Variants in FSHR observed in about 807,000 individuals in gnomAD.
FSHR encodes follicle-stimulating hormone receptor.
FSHR carries 46 observed loss-of-function variants against 52.1 expected under a neutral mutation model. That is an observed-to-expected ratio of 0.88 (90% confidence interval 0.70 to 1.13). The LOEUF is 1.13. FSHR is among the 50% of genes most tolerant of loss of function. FSHR has a pLI of 0.00. For synonymous variants in FSHR, 399 were observed against 309.6 expected (o/e 1.29, Z -3.03); for missense variants, 964 against 834.6 (o/e 1.16, Z -1.91).
chr2:49,115,429 C>A (rs1303213124), intron 1 of FSHR, among the ~76,000 whole-genome samples: 1 of 152,048 alleles, frequency 6.6e-6, no homozygotes, highest in African/African-American at 2.4e-5. Flanking sequence ...CCAGTGTGGT[C>A]ATGATTTTTA....
At chr2:49,067,673 C>A (rs563948410) in intron 2 of FSHR, among the ~76,000 whole-genome samples, 1 of 151,984 alleles carries the variant, frequency 6.6e-6, no homozygotes, top group Admixed American at 6.6e-5. Context: ...ATTAGACTAG[C>A]GCAATGTGAA....
chr2:49,143,002 G>T, intron 1 of FSHR, among the ~76,000 whole-genome samples: 1 of 152,120 alleles, frequency 6.6e-6, no homozygotes, highest in South Asian at 2.1e-4. Context: ...GAGAAGTCAA[G>T]GTTTCAGTTG....
At chr2:48,976,770 AGAG>A (rs1675009586) in intron 8 of FSHR, among the ~76,000 whole-genome samples, 1 of 152,162 alleles carries the variant, frequency 6.6e-6, no homozygotes, top group African/African-American at 2.4e-5. Context: ...TTATTTGCAT[AGAG>A]GTGTTTATAG....
At chr2:49,006,286 T>A (rs1432762426) in intron 4 of FSHR, among the ~76,000 whole-genome samples, 1 of 152,154 alleles carries the variant, frequency 6.6e-6, no homozygotes, top group Non-Finnish European at 1.5e-5. Context: ...CTGCTACTGG[T>A]CAACTTACAG....
At chr2:48,964,050 G>T in intron 9 of FSHR, 84 bp from the exon 10 acceptor site, 1 of 1,404,926 alleles carries the variant, frequency 7.1e-7, no homozygotes, top group Non-Finnish European at 9.8e-7. Context: ...GGGTAGAAAT[G>T]ATGAGTTTCT....
intron 8 of FSHR, 106 bp from the exon 9 acceptor site, chr2:48,968,989 A>T (rs1041763353): frequency 1.3e-5 from 13 of 1,015,428 alleles, no homozygotes; most frequent in Non-Finnish European, 1.8e-5. Context: ...TCTTACATGG[A>T]TGAGGAGAGA....
chr2:49,066,788 C>A, intron 2 of FSHR, among the ~76,000 whole-genome samples: 1 of 151,998 alleles, frequency 6.6e-6, no homozygotes, highest in East Asian at 1.9e-4. Context: ...ATTAAAGTAG[C>A]TTATTTGTGA....
intron 1 of FSHR, among the ~76,000 whole-genome samples, chr2:49,131,611 T>A (rs1352354196): frequency 6.6e-6 from 1 of 152,180 alleles, no homozygotes; most frequent in Non-Finnish European, 1.5e-5. Flanking sequence ...TTAAAAGAAC[T>A]GCATTATTTC....
chr2:49,041,418 T>C (rs1309748613), intron 2 of FSHR, among the ~76,000 whole-genome samples: 1 of 152,150 alleles, frequency 6.6e-6, no homozygotes, highest in Non-Finnish European at 1.5e-5. Context: ...CCTCCTGCCA[T>C]ACAGAAATCA....
chr2:49,151,697 A>C (rs1673069443), intron 1 of FSHR, among the ~76,000 whole-genome samples: 1 of 152,120 alleles, frequency 6.6e-6, no homozygotes, highest in African/African-American at 2.4e-5. Flanking sequence ...CCATCCACCT[A>C]CACCTCATGT....
At chr2:49,103,847 C>G (rs1334195334) in intron 1 of FSHR, among the ~76,000 whole-genome samples, 1 of 152,060 alleles carries the variant, frequency 6.6e-6, no homozygotes, top group East Asian at 1.9e-4. Context: ...AAAGACAGAT[C>G]ATTTTATTGC....
chr2:48,965,117 TGGCG>T (rs1674415646), intron 9 of FSHR, among the ~76,000 whole-genome samples: 1 of 152,058 alleles, frequency 6.6e-6, no homozygotes, highest in African/African-American at 2.4e-5. Flanking sequence ...CAGATATAAG[TGGCG>T]AAGTAAGTAT....
intron 1 of FSHR, among the ~76,000 whole-genome samples, chr2:49,148,010 G>A (rs139998658): frequency 6.6e-6 from 1 of 152,036 alleles, no homozygotes; most frequent in Middle Eastern, 3.4e-3. Flanking sequence ...GACAATCAAA[G>A]TACATCTGAG....
chr2:49,133,421 A>G (rs1180927846), intron 1 of FSHR, among the ~76,000 whole-genome samples: 1 of 152,170 alleles, frequency 6.6e-6, no homozygotes, highest in Non-Finnish European at 1.5e-5. Context: ...AATAAAGAGG[A>G]CACAAACAAA....
chr2:48,993,498 C>T (rs1457083774), intron 4 of FSHR, among the ~76,000 whole-genome samples: 1 of 152,128 alleles, frequency 6.6e-6, no homozygotes, highest in Admixed American at 6.5e-5. Context: ...CCTATCTCCA[C>T]TGACACCATT....
rs141416405 is a variant in FSHR, at chr2:48,984,586, A to AT, written c.525-1421dup. Reference sequence around the variant, plus strand: ...CAAATTCAAAGTGTAATAATTGGGTATTTTTTTTTTTTGTAATATAGGCCT... The same window carrying AT: ...CAAATTCAAAGTGTAATAATTGGGTATTTTTTTTTTTTTGTAATATAGGCCT... On this transcript the variant is annotated intron_variant, in intron 6 of 9. Transcript: ENST00000406846. Among the ~76,000 whole-genome samples the AT allele has an allele frequency of 2.6e-3, 262 of 101,738 alleles. 2 individuals are homozygous for AT. The highest frequency in any genetic ancestry group is 6.5e-3 in the South Asian group (20 of 3,094). The allele number at this position is 101,738 out of a possible 152,430, so 66.7% of individuals were successfully genotyped here. A position where few individuals can be genotyped will look rare whatever the true frequency, so the allele number is the denominator to read the frequency against.
chr2:49,034,867 T>C (rs1054666469), intron 2 of FSHR, among the ~76,000 whole-genome samples: 1 of 152,146 alleles, frequency 6.6e-6, no homozygotes, highest in Non-Finnish European at 1.5e-5. Context: ...GAGAAATAGA[T>C]GGAAGGGTTA....
intron 1 of FSHR, among the ~76,000 whole-genome samples, chr2:49,075,824 G>A (rs1050845295): frequency 6.6e-6 from 1 of 151,812 alleles, no homozygotes; most frequent in Admixed American, 6.6e-5. Flanking sequence ...TTTTTTGGGA[G>A]AGACAGGGTT....
chr2:49,114,953 A>C (rs1439900261), intron 1 of FSHR, among the ~76,000 whole-genome samples: 1 of 151,956 alleles, frequency 6.6e-6, no homozygotes, highest in Non-Finnish European at 1.5e-5. Context: ...CCAGTGCTAA[A>C]ACCAAAATGC....
Sources: gnomAD v4.1 joint callset for allele counts (sites outside exome capture counted in the v4.1 genomes callset) on GRCh38, gnomAD v4.1.1 for gene constraint, MANE v1.5 for transcripts, NCBI Gene and HGNC (gene_info 2026-07-23, HGNC 2026-07-21) for gene names.